The following THSD7B variants were observed in gnomAD, a reference collection of about 807,000 sequenced individuals.
The protein encoded by THSD7B is thrombospondin type-1 domain-containing protein 7B.
A neutral mutation model predicts 213.6 loss-of-function variants in THSD7B; 138 were observed. The observed-to-expected ratio is 0.65, with a 90% CI of 0.56 to 0.74. THSD7B has a LOEUF of 0.74. THSD7B is among the 30% of genes least tolerant of loss of function. The pLI is 0.00. For missense variants in THSD7B, 1,931 were observed against 1,991.5 expected (o/e 0.97, Z 0.58); for synonymous variants, 742 against 687.0 (o/e 1.08, Z -1.25).
chr2:137,569,828 T>G (rs1418680610), intron 16 of THSD7B, among the ~76,000 whole-genome samples: 1 of 151,728 alleles, frequency 6.6e-6, no homozygotes, highest in Middle Eastern at 3.2e-3. Flanking sequence ...TATTATTGTT[T>G]TGGTAACAAA....
chr2:137,659,340 T>C (rs1194235481), intron 24 of THSD7B, among the ~76,000 whole-genome samples: 1 of 152,124 alleles, frequency 6.6e-6, no homozygotes. Context: ...TGCTCCTGAG[T>C]TTAAATTTAG....
intron 18 of THSD7B, among the ~76,000 whole-genome samples, chr2:137,617,515 C>T (rs1682429236): frequency 6.6e-6 from 1 of 152,158 alleles, no homozygotes; most frequent in African/African-American, 2.4e-5. Flanking sequence ...GTTTCTGTAA[C>T]AGTCCATACA....
At chr2:136,980,135 A>C (rs1203473197) in intron 2 of THSD7B, among the ~76,000 whole-genome samples, 2 of 151,130 alleles carry the variant, frequency 1.3e-5, no homozygotes, top group African/African-American at 4.9e-5. Flanking sequence ...ATGGCTGCCT[A>C]CTCCTTCCTC....
chr2:137,222,238 T>TC (rs34245815), intron 7 of THSD7B, among the ~76,000 whole-genome samples: 90,708 of 151,932 alleles, frequency 0.6, 27,496 homozygotes, highest in South Asian at 0.71. Context: ...TGCCCTTTCC[T>TC]CACTTATGGC....
chr2:137,272,720 C>A (rs1479408196), intron 11 of THSD7B, 58 bp downstream of exon 11: 13 of 1,558,820 alleles, frequency 8.3e-6, no homozygotes, highest in Non-Finnish European at 8.7e-6. Flanking sequence ...AACCTATTTT[C>A]TTTCACATAA....
chr2:137,183,969 A>T (rs1291498651), intron 7 of THSD7B, among the ~76,000 whole-genome samples: 1 of 152,152 alleles, frequency 6.6e-6, no homozygotes, highest in Non-Finnish European at 1.5e-5. Context: ...TTCTGTTTAT[A>T]TACTACTTTC....
At chr2:136,956,601 CAAAAA>C (rs10676991) in intron 2 of THSD7B, among the ~76,000 whole-genome samples, 1 of 121,606 alleles carries the variant, frequency 8.2e-6, no homozygotes, top group Non-Finnish European at 1.8e-5. Flanking sequence ...GACCCTGTCT[CAAAAA>C]AAAAAAAAAA....
At chr2:136,927,559 A>C (rs983143354) in intron 2 of THSD7B, among the ~76,000 whole-genome samples, 1 of 152,190 alleles carries the variant, frequency 6.6e-6, no homozygotes, top group Non-Finnish European at 1.5e-5. Flanking sequence ...AAGGTCACCT[A>C]TGTACCTAGC....
chr2:137,159,080 C>G (rs1679961234), intron 5 of THSD7B, among the ~76,000 whole-genome samples: 1 of 152,080 alleles, frequency 6.6e-6, no homozygotes, highest in Non-Finnish European at 1.5e-5. Flanking sequence ...TTACAGTCTT[C>G]ACAAGGATTG....
rs1347128253 is a variant in THSD7B at position 137,448,220 on chromosome 2, T to G, written c.2960-2625T>G. On this transcript the variant is annotated intron_variant, in intron 14 of 27. Coordinates refer to ENST00000409968, the MANE Select transcript of THSD7B (RefSeq NM_001316349.2). ...TTTCTTCATCTCTGCTTGGCAGCCC[T>G]GTTTTAAGAACAGAAAAGGAAGACA... Among the ~76,000 whole-genome samples the G allele has an allele frequency of 2.6e-5, 4 of 152,328 alleles. No individual in the cohort carries two copies. The East Asian group carries it at 7.8e-4, about 30-fold the overall frequency.
intron 24 of THSD7B, among the ~76,000 whole-genome samples, chr2:137,658,920 T>C (rs1301566291): frequency 6.6e-6 from 1 of 152,222 alleles, no homozygotes; most frequent in Non-Finnish European, 1.5e-5. Context: ...TGGTGCTTTG[T>C]CAAATTTTCT....
At chr2:136,903,078 T>A (rs566313001) in intron 2 of THSD7B, among the ~76,000 whole-genome samples, 1 of 152,316 alleles carries the variant, frequency 6.6e-6, no homozygotes, top group South Asian at 2.1e-4. Context: ...ATCATTTACT[T>A]GGTGAAAGTT....
intron 10 of THSD7B, among the ~76,000 whole-genome samples, chr2:137,256,784 G>A (rs1682320558): frequency 1.3e-5 from 2 of 152,278 alleles, no homozygotes; most frequent in South Asian, 4.1e-4. Context: ...ATCTGGGCAA[G>A]AAATGAGGAA....
intron 2 of THSD7B, among the ~76,000 whole-genome samples, chr2:137,050,277 A>T (rs1220384637): frequency 6.6e-6 from 1 of 152,206 alleles, no homozygotes; most frequent in Non-Finnish European, 1.5e-5. Flanking sequence ...AACAATTTTT[A>T]AAAGGTGGTT....
chr2:137,315,762 G>T (rs757429231), intron 12 of THSD7B, among the ~76,000 whole-genome samples: 2 of 152,168 alleles, frequency 1.3e-5, no homozygotes, highest in African/African-American at 2.4e-5. Context: ...TTGTTTCTCA[G>T]ATAGCTAGCC....
intron 5 of THSD7B, among the ~76,000 whole-genome samples, chr2:137,124,703 G>A (rs1688602928): frequency 6.6e-6 from 1 of 152,046 alleles, no homozygotes; most frequent in African/African-American, 2.4e-5. Flanking sequence ...TTTTAGATCT[G>A]CTTTTCTTTT....
In THSD7B at chr2:137,397,031, A is replaced by G. The variant is rs1273775286; in HGVS notation, c.2501-8582A>G. 2.8e-5 allele frequency among the ~76,000 whole-genome samples: 4 copies of G among 142,120 alleles called. 1 individual carries two copies. The South Asian group carries it at 9.4e-4, about 34-fold the overall frequency. The allele number at this position is 142,120 out of a possible 152,430, so 93.2% of individuals were successfully genotyped here. ...CCATTTTCTTGGTAGTTCTTCCTCC[A>G]TCCTTTTATTTTGAGCCTATGTGTG... is the stretch of plus-strand genomic sequence containing the variant. On this transcript the variant is annotated intron_variant, in intron 12 of 27. Coordinates refer to ENST00000409968, the MANE Select transcript of THSD7B (RefSeq NM_001316349.2).
intron 1 of THSD7B, among the ~76,000 whole-genome samples, chr2:136,796,515 A>T (rs1682067197): frequency 6.6e-6 from 1 of 151,942 alleles, no homozygotes; most frequent in Admixed American, 6.6e-5. Flanking sequence ...CCCCACTTAA[A>T]ACCTTTTCAG....
At chr2:137,205,998 C>T (rs1680975921) in intron 7 of THSD7B, among the ~76,000 whole-genome samples, 2 of 151,424 alleles carry the variant, frequency 1.3e-5, no homozygotes, top group Non-Finnish European at 2.9e-5. Context: ...ATACAAATCT[C>T]TGCCTTTTCT....
Sources: allele counts gnomAD v4.1 joint callset (sites outside exome capture counted in the v4.1 genomes callset), GRCh38; gene constraint gnomAD v4.1.1; transcripts MANE v1.5; gene names NCBI Gene and HGNC (gene_info 2026-07-23, HGNC 2026-07-21).